The following LAMA2 variants were observed in gnomAD, a reference collection of about 807,000 sequenced individuals.
LAMA2 encodes laminin subunit alpha-2.
Under a neutral mutation model 364.8 loss-of-function variants are expected in LAMA2, and 269 were observed. The observed-to-expected ratio is 0.74, with a 90% CI of 0.67 to 0.82. LAMA2 has a LOEUF of 0.82. Ranked by LOEUF, LAMA2 falls within the 40% of genes least tolerant of loss-of-function variation. The pLI, the probability that LAMA2 is intolerant of heterozygous loss-of-function variation, is 0.00. For synonymous variants in LAMA2, 1,379 were observed against 1,370.6 expected (o/e 1.01, Z -0.14); for missense variants, 3,807 against 3,873.2 (o/e 0.98, Z 0.45).
At chr6:129,507,793 C>T in intron 62 of LAMA2, 151 bp downstream of exon 62, 3 of 772,468 alleles carry the variant, frequency 3.9e-6, no homozygotes, top group South Asian at 1.6e-5. Flanking sequence ...TTCAAAAATG[C>T]CTCTTAAAAA....
At chr6:129,504,009 G>A (rs993330294) in intron 60 of LAMA2, among the ~76,000 whole-genome samples, 2 of 152,142 alleles carry the variant, frequency 1.3e-5, no homozygotes, top group South Asian at 2.1e-4. Flanking sequence ...ATTTGTCTCT[G>A]CACCTGCGAT....
intron 22 of LAMA2, 134 bp from the exon 23 acceptor site, chr6:129,312,727 T>C: frequency 5.5e-6 from 4 of 722,862 alleles, no homozygotes; most frequent in Non-Finnish European, 7.4e-6. Flanking sequence ...GTGACTAAAC[T>C]AGAATAGTAC....
chr6:129,288,057 G>A lies in LAMA2; in HGVS notation c.2748G>A (p.Gln916=), dbSNP rs1440297570. The change falls in exon 19 of 65, where the codon CAG becomes CAA. Residue 916 remains glutamine, a splice_region_variant and synonymous_variant. Transcript: ENST00000421865. The part of the protein sequence containing the change: ...FGDAVDAKNC[Q]PCRCNAGGSF... ...ATGCAGTTGATGCGAAGAACTGTCA[G>A]CGTAAGTCCTGAACTATTGATGCCC... 2 of 1,613,262 alleles carry A rather than the reference G, an allele frequency of 1.2e-6. No homozygotes were observed. The highest frequency in any genetic ancestry group is 1.7e-5 in the Admixed American group (1 of 60,014).
intron 12 of LAMA2, among the ~76,000 whole-genome samples, chr6:129,193,158 G>T (rs1284388012): frequency 6.6e-6 from 1 of 152,352 alleles, no homozygotes; most frequent in East Asian, 1.9e-4. Flanking sequence ...GGAAGAAACT[G>T]TGTTGTGTTT....
At chr6:129,390,119 G>A (rs1779240643) in intron 35 of LAMA2, among the ~76,000 whole-genome samples, 2 of 152,140 alleles carry the variant, frequency 1.3e-5, no homozygotes, top group Non-Finnish European at 2.9e-5. Context: ...TGTGGAAAGG[G>A]TATATTAGAC....
chr6:129,226,333 C>T (rs199941322), intron 12 of LAMA2, among the ~76,000 whole-genome samples: 1 of 152,088 alleles, frequency 6.6e-6, no homozygotes, highest in Non-Finnish European at 1.5e-5. Flanking sequence ...AGCCCATTTA[C>T]GTTTAAGGTT....
chr6:129,083,003 T>C (rs2114842581), intron 3 of LAMA2, among the ~76,000 whole-genome samples: 1 of 152,224 alleles, frequency 6.6e-6, no homozygotes, highest in Non-Finnish European at 1.5e-5. Flanking sequence ...ATATAGATTC[T>C]GATTTTTTTA....
chr6:128,940,108 TTTTG>T (rs1334309764), intron 1 of LAMA2, among the ~76,000 whole-genome samples: 1 of 152,190 alleles, frequency 6.6e-6, no homozygotes, highest in Non-Finnish European at 1.5e-5. Flanking sequence ...ATGGATTTTT[TTTTG>T]TTTGTTTTCT....
intron 1 of LAMA2, among the ~76,000 whole-genome samples, chr6:128,885,045 C>T (rs1776067480): frequency 6.6e-6 from 1 of 152,128 alleles, no homozygotes; most frequent in Non-Finnish European, 1.5e-5. Flanking sequence ...GAAGTGAATT[C>T]AGGAGGAAGG....
chr6:129,177,981 A>T, intron 10 of LAMA2, 115 bp downstream of exon 10: 2 of 1,084,510 alleles, frequency 1.8e-6, no homozygotes, highest in Admixed American at 2.0e-5. Flanking sequence ...AAGTATCCAT[A>T]ATCTATTCTA....
Position 128,900,429 on chromosome 6 carries a change from T to C in LAMA2, c.112+17072T>C, listed in dbSNP as rs145478491. 8.0e-3 allele frequency among the ~76,000 whole-genome samples: 1,222 copies of C among 152,268 alleles called. 7 individuals are homozygous for C. Among genetic ancestry groups the C allele is most frequent in the Non-Finnish European group, 0.012 (847 of 68,018 alleles). On this transcript the variant is annotated intron_variant, in intron 1 of 64. Transcript: ENST00000421865. Reference sequence around the variant, plus strand: ...CACCTAGCATGGTCACAGTAAAGATTGAATGATAGAAAAATAGAAAAGGAA... The same window carrying C: ...CACCTAGCATGGTCACAGTAAAGATCGAATGATAGAAAAATAGAAAAGGAA...
intron 4 of LAMA2, among the ~76,000 whole-genome samples, chr6:129,118,601 GCTTA>G (rs1776611235): frequency 6.6e-6 from 1 of 152,214 alleles, no homozygotes; most frequent in Non-Finnish European, 1.5e-5. Flanking sequence ...AAGACAAGTA[GCTTA>G]CTTAAAGATC....
chr6:129,402,549 G>A, intron 39 of LAMA2, 62 bp downstream of exon 39: 5 of 1,467,392 alleles, frequency 3.4e-6, no homozygotes, highest in Non-Finnish European at 4.8e-6. Context: ...GTTTTGACTA[G>A]CATAAATAGT....
intron 18 of LAMA2, 64 bp downstream of exon 18, chr6:129,280,211 A>G (rs546785141): frequency 2.0e-6 from 2 of 1,018,340 alleles, no homozygotes; most frequent in Admixed American, 1.7e-5. Context: ...AACCGCAGAT[A>G]CAATCATCCT....
intron 29 of LAMA2, among the ~76,000 whole-genome samples, chr6:129,331,519 A>G (rs1775651517): frequency 6.6e-6 from 1 of 151,552 alleles, no homozygotes; most frequent in South Asian, 2.1e-4. Flanking sequence ...AATTATTATG[A>G]CTCTTTTCTA....
chr6:129,383,331 T>A (rs2114654386), intron 35 of LAMA2, 98 bp downstream of exon 35: 2 of 945,348 alleles, frequency 2.1e-6, no homozygotes, highest in Non-Finnish European at 3.4e-6. Flanking sequence ...ATAAGTGACA[T>A]CTGTAAAATC....
intron 22 of LAMA2, among the ~76,000 whole-genome samples, chr6:129,311,279 G>C (rs999147458): frequency 6.6e-6 from 1 of 151,928 alleles, no homozygotes; most frequent in Non-Finnish European, 1.5e-5. Context: ...CCGCCACCAC[G>C]CCCGGCTAAT....
chr6:129,310,121 G>A (rs909229514), intron 22 of LAMA2, among the ~76,000 whole-genome samples: 3 of 151,714 alleles, frequency 2.0e-5, no homozygotes, highest in Admixed American at 6.6e-5. Context: ...GGATGGTCTC[G>A]ATCTCCTGAC....
intron 12 of LAMA2, among the ~76,000 whole-genome samples, chr6:129,230,058 G>C (rs1173075640): frequency 6.6e-6 from 1 of 152,110 alleles, no homozygotes; most frequent in African/African-American, 2.4e-5. Context: ...GACTAGATGT[G>C]ATAACCAAGA....
Sources: allele counts gnomAD v4.1 joint callset (sites outside exome capture counted in the v4.1 genomes callset), GRCh38; gene constraint gnomAD v4.1.1; transcripts MANE v1.5; gene names NCBI Gene and HGNC (gene_info 2026-07-23, HGNC 2026-07-21).